The following GABRG1 variants were observed in gnomAD, a reference collection of about 807,000 sequenced individuals.
GABRG1 encodes the protein gamma-aminobutyric acid receptor subunit gamma-1.
GABRG1 carries 49 observed loss-of-function variants against 49.8 expected under a neutral mutation model. That is an observed-to-expected ratio of 0.98 (90% CI 0.78 to 1.25). The LOEUF is 1.25. GABRG1 is among the 50% of genes most tolerant of loss of function. The probability of loss-of-function intolerance (pLI) is 0.00; values close to 1 mark genes in which losing one functional copy is unlikely to be tolerated. For missense variants in GABRG1, 552 were observed against 552.3 expected (o/e 1.00, Z 0.01); for synonymous variants, 232 against 185.1 (o/e 1.25, Z -2.06).
chr4:46,080,584 G>T (rs988614819), intron 3 of GABRG1, among the ~76,000 whole-genome samples: 1 of 151,552 alleles, frequency 6.6e-6, no homozygotes, highest in African/African-American at 2.4e-5. Flanking sequence ...TTGCTCCACT[G>T]GGGAAACTAA....
rs200863268 is a variant in GABRG1, at chr4:46,041,113, C to G, written c.1273G>C (p.Gly425Arg). ...TGTATCCTTCCTTCCCTCCAAGATC[C>G]TGTTCTGCAGTCTTCAAAGCAACAG... is the stretch of plus-strand genomic sequence containing the variant. The part of the protein sequence containing the change: ...FFCCFEDCRT[G>R]SWREGRIHIR... Residue 425 changes from glycine to arginine, a missense_variant, in exon 9 of 9, where the codon GGA becomes CGA. Physicochemically the swap from Gly to Arg is moderately radical, Grantham distance 125. Transcript: ENST00000295452. 1 of 1,613,210 alleles carries G rather than the reference C, an allele frequency of 6.2e-7. No homozygotes were observed. Among genetic ancestry groups the G allele is most frequent in the East Asian group, 2.2e-5 (1 of 44,844 alleles).
intron 2 of GABRG1, among the ~76,000 whole-genome samples, chr4:46,092,129 C>A (rs752823853): frequency 6.6e-6 from 1 of 151,842 alleles, no homozygotes; most frequent in African/African-American, 2.4e-5. Flanking sequence ...TACTCCATTT[C>A]GAGAGACTTG....
chr4:46,092,808 T>A (rs1720034669), intron 2 of GABRG1, among the ~76,000 whole-genome samples: 1 of 152,000 alleles, frequency 6.6e-6, no homozygotes, highest in African/African-American at 2.4e-5. Context: ...ACACCTGTAA[T>A]CCCAGCCCTT....
In GABRG1 at chr4:46,041,041, T is replaced by A; in HGVS notation, c.1345A>T (p.Thr449Ser). The change falls in exon 9 of 9, where the codon ACC (threonine) becomes TCC (serine). Residue 449 changes from threonine (T) to serine (S), a missense_variant. Thr to Ser is a moderately conservative substitution (Grantham distance 58). Coordinates refer to ENST00000295452, the MANE Select transcript of GABRG1 (RefSeq NM_173536.4). ...IDSYSRIFFP[T>S]AFALFNLVYW... Reference sequence around the variant, plus strand: ...ACCAAGTTGAACAGGGCAAAAGCGGTTGGGAAAAATATTCTAGAATAAGAG... The same window carrying A: ...ACCAAGTTGAACAGGGCAAAAGCGGATGGGAAAAATATTCTAGAATAAGAG... The A allele has an allele frequency of 6.2e-7, 1 of 1,612,814 alleles. No individual in the cohort carries two copies. Among genetic ancestry groups the A allele is most frequent in the Non-Finnish European group, 8.5e-7 (1 of 1,179,244 alleles).
rs571247579 is a variant in GABRG1, at chr4:46,118,208, C to A, written c.104+5602G>T. On this transcript the variant is annotated intron_variant, in intron 1 of 8. Transcript: ENST00000295452. ...CCCCCTAACAGAACATATAGCCTAC[C>A]CTTTCCTCAGATGTAAGGATATATA... Among the ~76,000 whole-genome samples, 177 of 147,420 alleles carry A rather than the reference C, an allele frequency of 1.2e-3. 2 individuals are homozygous for A. The South Asian group carries it at 0.037, about 31-fold the overall frequency.
At position 46,109,692 on chromosome 4, in the gene GABRG1, A is replaced by G. The variant is rs528827758; in HGVS notation, c.105-12343T>C. ...CTTAACACTGCTTTTGCAGCATAAC[A>G]GAGACTTTAGTATATTGTGTCTCTG... On this transcript the variant is annotated intron_variant, in intron 1 of 8. Transcript: ENST00000295452. 1.3e-4 allele frequency among the ~76,000 whole-genome samples: 19 copies of G among 151,288 alleles called. No individual in the cohort carries two copies. The East Asian group carries it at 2.7e-3, about 22-fold the overall frequency.
chr4:46,073,230 T>C (rs1485464796), intron 3 of GABRG1, among the ~76,000 whole-genome samples: 1 of 151,998 alleles, frequency 6.6e-6, no homozygotes, highest in Non-Finnish European at 1.5e-5. Flanking sequence ...TTCCATCAAA[T>C]TGTTTTTGCC....
chr4:46,070,379 A>G (rs924882135), intron 3 of GABRG1, among the ~76,000 whole-genome samples: 2 of 152,012 alleles, frequency 1.3e-5, no homozygotes, highest in African/African-American at 2.4e-5. Context: ...GAACAGTTAA[A>G]CTATATAAAA....
At chr4:46,061,677 TTTTAGG>T (rs1260314585) in intron 5 of GABRG1, among the ~76,000 whole-genome samples, 44 of 152,024 alleles carry the variant, frequency 2.9e-4, no homozygotes, top group African/African-American at 1.0e-3. Flanking sequence ...CCAGGTTTTT[TTTTAGG>T]ATAAATAAAA....
In GABRG1 at chr4:46,123,872, CAGA is replaced by C. The variant is rs1181556829; in HGVS notation, c.39_41del (p.Leu14del). ...ACCTCACCCCTCTACTTTGACTCCG[CAGA>C]AGAAAAGGGGAGAAGAGAAAAGCTT... is the stretch of plus-strand genomic sequence containing the variant. On this transcript the variant is annotated inframe_deletion, in exon 1 of 9. Transcript: ENST00000295452. 6.2e-7 allele frequency: 1 copy of C among 1,613,596 alleles called. No homozygotes were observed. The highest frequency in any genetic ancestry group is 2.2e-5 in the East Asian group (1 of 44,852).
intron 3 of GABRG1, among the ~76,000 whole-genome samples, chr4:46,073,397 G>A (rs1719212922): frequency 6.6e-6 from 1 of 151,978 alleles, no homozygotes; most frequent in East Asian, 1.9e-4. Context: ...CGTAACTCAG[G>A]TCATCCATAT....
At chr4:46,061,095 C>A (rs899392564) in intron 5 of GABRG1, among the ~76,000 whole-genome samples, 5 of 152,078 alleles carry the variant, frequency 3.3e-5, no homozygotes, top group African/African-American at 1.2e-4. Flanking sequence ...ACAATCAAAA[C>A]CAGAGAGCTA....
At position 46,039,939 on chromosome 4, in the gene GABRG1, G is replaced by A. The variant is rs889669622; in HGVS notation, c.*1049C>T. 3 of 151,702 alleles carry A rather than the reference G, an allele frequency of 2.0e-5. No homozygotes were observed. Among genetic ancestry groups the A allele is most frequent in the African/African-American group, 4.8e-5 (2 of 41,402 alleles). 9.4% of individuals were successfully genotyped at this position (151,702 alleles called of 1,614,324 possible). A position where few individuals can be genotyped will look rare whatever the true frequency, so the allele number is the denominator to read the frequency against. ...ACTTTGGAGCTGGAAGAGGCAATAT[G>A]TAACGCAGGCCTAAAACTGTTTTCT... On this transcript the variant is annotated 3_prime_UTR_variant, in exon 9 of 9. Transcript: ENST00000295452.
Position 46,065,409 on chromosome 4 carries a change from C to G in GABRG1, c.497G>C (p.Arg166Pro). 2 of 1,613,338 alleles carry G rather than the reference C, an allele frequency of 1.2e-6. No individual in the cohort carries two copies. The highest frequency in any genetic ancestry group is 2.2e-5 in the East Asian group (1 of 44,776). Residue 166 changes from arginine (R) to proline (P), a missense_variant, in exon 4 of 9, where the codon CGT becomes CCT. Physicochemically the swap from Arg to Pro is moderately radical, Grantham distance 103 (BLOSUM62 -2). Transcript: ENST00000295452. ...TCCATCATTCCAAATTCGAAGCAGA[C>G]GATTAGGAGTTGTTATCCAGTGAGC... Reference protein sequence around the residue: ...SDAHWITTPNRLLRIWNDGRV... With the variant: ...SDAHWITTPNPLLRIWNDGRV...
chr4:46,067,718 C>A (rs1468049843), intron 3 of GABRG1, among the ~76,000 whole-genome samples: 3 of 152,146 alleles, frequency 2.0e-5, no homozygotes, highest in Non-Finnish European at 2.9e-5. Context: ...CTGATAGCCA[C>A]ACCCTTGCTT....
Position 46,049,170 on chromosome 4 carries a change from T to C in GABRG1, c.1131+2254A>G, listed in dbSNP as rs1272562730. On this transcript the variant is annotated intron_variant, in intron 8 of 8. Transcript: ENST00000295452. ...GAAGGAGGGGGTGAAGTCACAAACA[T>C]TTAATACAGGCTTAATGGCAAGATG... is the stretch of plus-strand genomic sequence containing the variant. 2.6e-5 allele frequency among the ~76,000 whole-genome samples: 4 copies of C among 151,868 alleles called. No homozygotes were observed. In the East Asian group the frequency reaches 7.8e-4, roughly 29 times the overall value.
chr4:46,086,190 T>C (rs976872989), intron 2 of GABRG1, among the ~76,000 whole-genome samples: 14 of 151,604 alleles, frequency 9.2e-5, no homozygotes, highest in African/African-American at 3.4e-4. Context: ...TAAGTAGATA[T>C]TCTCCCAGTG....
intron 5 of GABRG1, among the ~76,000 whole-genome samples, chr4:46,060,527 T>C (rs1333641378): frequency 6.6e-6 from 1 of 152,198 alleles, no homozygotes; most frequent in African/African-American, 2.4e-5. Flanking sequence ...ATACATGTTT[T>C]AGAATATTTT....
chr4:46,080,532 GT>G (rs1228445004), intron 3 of GABRG1, among the ~76,000 whole-genome samples: 1 of 151,462 alleles, frequency 6.6e-6, no homozygotes, highest in Non-Finnish European at 1.5e-5. Flanking sequence ...ATTTAATTAG[GT>G]TTTTTTAAAC....
Sources: allele counts gnomAD v4.1 joint callset (sites outside exome capture counted in the v4.1 genomes callset), GRCh38; gene constraint gnomAD v4.1.1; transcripts MANE v1.5; gene names NCBI Gene and HGNC (gene_info 2026-07-23, HGNC 2026-07-21).